TEF: variants seen among roughly 807,000 people sequenced by gnomAD.
TEF encodes the protein TEF transcription factor, PAR bZIP family member.
In TEF, 3 loss-of-function variants were observed where a neutral mutation model predicts 20.8. The ratio of observed to expected loss-of-function variants is 0.14; its 90% CI spans 0.07 to 0.37. The LOEUF (loss-of-function observed/expected upper bound fraction) is 0.37, where lower values mean the gene tolerates loss of function less well. Ranked by LOEUF, TEF falls within the 10% of genes least tolerant of loss-of-function variation. The probability of loss-of-function intolerance (pLI) is 1.00; values close to 1 mark genes in which losing one functional copy is unlikely to be tolerated. For synonymous variants in TEF, 180 were observed against 171.1 expected (o/e 1.05, Z -0.41); for missense variants, 296 against 397.9 (o/e 0.74, Z 2.18).
intron 1 of TEF, among the ~76,000 whole-genome samples, chr22:41,385,303 T>A (rs1403989175): frequency 6.6e-6 from 1 of 151,944 alleles, no homozygotes; most frequent in Non-Finnish European, 1.5e-5. Flanking sequence ...AAGGTTGTGG[T>A]GAGCTGAGAC....
At chr22:41,370,602 A>ATGG (rs2036872894) in intron 1 of TEF, among the ~76,000 whole-genome samples, 2 of 150,686 alleles carry the variant, frequency 1.3e-5, no homozygotes, top group African/African-American at 4.9e-5. Flanking sequence ...TAGTAGAGAC[A>ATGG]GGTTTCACCA....
Position 41,382,848 on chromosome 22 carries a change from GATGA to G in TEF, c.157+648_157+651del, listed in dbSNP as rs1485203937. ...GGAGTTTTGGGCCAAGCAGAGAAACGATGAGGGTCAGATGAGTCCACTGAGGCCC... is the reference window on the plus strand; with the variant it reads ...GGAGTTTTGGGCCAAGCAGAGAAACGGGGTCAGATGAGTCCACTGAGGCCC... On this transcript the variant is annotated intron_variant, in intron 1 of 3. Transcript: ENST00000266304. The G allele has an allele frequency of 1.9e-5, 9 of 468,906 alleles. No individual in the cohort carries two copies. In the Admixed American group the frequency reaches 2.1e-4, roughly 11 times the overall value. The allele number at this position is 468,906 out of a possible 1,614,324, so 29.0% of individuals were successfully genotyped here.
chr22:41,381,860 C>A, upstream of TEF: 2 of 1,218,512 alleles, frequency 1.6e-6, no homozygotes, highest in Non-Finnish European at 2.0e-6. Flanking sequence ...GCTGGCCTGG[C>A]CTCATGAATA....
At chr22:41,378,591 G>A (rs986695471), upstream of TEF, among the ~76,000 whole-genome samples, 3 of 151,986 alleles carry the variant, frequency 2.0e-5, no homozygotes, top group Non-Finnish European at 4.4e-5. Context: ...TGATCCTCCC[G>A]GCTCGGCCTC....
At position 41,367,529 on chromosome 22, in the gene TEF, T is replaced by TG. The variant is rs1279518493; in HGVS notation, c.-3dup. ...GCTGCGACTGGTTCTCAGTGGCCCC[T>TG]GCCATGGACATGCCTGAGGTCCTCA... On this transcript the variant is annotated 5_prime_UTR_variant, in exon 1 of 4. Transcript: ENST00000406644. 3 of 1,550,834 alleles carry TG rather than the reference T, an allele frequency of 1.9e-6. No individual in the cohort carries two copies. The African/African-American group carries it at 4.1e-5, about 21-fold the overall frequency.
Position 41,375,501 on chromosome 22 carries a change from A to G in TEF, c.67+7902A>G, listed in dbSNP as rs372754574. On this transcript the variant is annotated intron_variant, in intron 1 of 3. Transcript: ENST00000406644. ...CGTGGTGGCACACGCCTGTAATCCC[A>G]GCACTTTGGGAGGCCGAGGCGGGCG... 8.5e-5 allele frequency among the ~76,000 whole-genome samples: 13 copies of G among 152,316 alleles called. No homozygotes were observed. In the East Asian group the frequency reaches 1.5e-3, roughly 18 times the overall value.
At position 41,382,194 on chromosome 22, in the gene TEF, G is replaced by C; in HGVS notation, c.150G>C (p.Ala50=). 1 of 1,235,056 alleles carries C rather than the reference G, an allele frequency of 8.1e-7. No homozygotes were observed. The highest frequency in any genetic ancestry group is 1.0e-6 in the Non-Finnish European group (1 of 989,780). 76.5% of individuals were successfully genotyped at this position (1,235,056 alleles called of 1,614,324 possible). A position where few individuals can be genotyped will look rare whatever the true frequency, so the allele number is the denominator to read the frequency against. ...TGATGGAGAACCCCCCGCGCGAGGC[G>C]CGCCTCGGTGAGGGCGGGGGGGTGG... The part of the protein sequence containing the change: ...KKLMENPPRE[A]RLDKEKGKEK... Residue 50 remains alanine (A), a synonymous_variant, in exon 1 of 4, where the codon GCG becomes GCC. Transcript: ENST00000266304.
chr22:41,382,783 G>T (rs186912121), intron 1 of TEF, among the ~76,000 whole-genome samples: 11 of 151,246 alleles, frequency 7.3e-5, no homozygotes, highest in South Asian at 2.1e-4. Context: ...CTGAGCGGGT[G>T]GGGGGGGTGT....
At chr22:41,379,107 C>T (rs2036982263), upstream of TEF, among the ~76,000 whole-genome samples, 1 of 151,708 alleles carries the variant, frequency 6.6e-6, no homozygotes, top group African/African-American at 2.4e-5. Flanking sequence ...TTGGGAGACG[C>T]GGGTGGATCA....
chr22:41,373,889 G>A (rs534264166), intron 1 of TEF, among the ~76,000 whole-genome samples: 3 of 149,594 alleles, frequency 2.0e-5, no homozygotes, highest in Non-Finnish European at 3.0e-5. Flanking sequence ...TCAGTCTCCC[G>A]AGTAGCTGAG....
Position 41,381,969 on chromosome 22 carries a change from A to C in TEF, c.-76A>C, listed in dbSNP as rs1164392339. Reference sequence around the variant, plus strand: ...AGTAGCTGCCCGTGTCGGCAGCTGCAGCGGGTCGCACGGCTCCGGCCCATC... The same window carrying C: ...AGTAGCTGCCCGTGTCGGCAGCTGCCGCGGGTCGCACGGCTCCGGCCCATC... On this transcript the variant is annotated 5_prime_UTR_variant, in exon 1 of 4. Coordinates refer to ENST00000266304, the MANE Select transcript of TEF (RefSeq NM_003216.4). The C allele has an allele frequency of 8.2e-7, 1 of 1,226,122 alleles. No individual in the cohort carries two copies. The highest frequency in any genetic ancestry group is 1.0e-6 in the Non-Finnish European group (1 of 985,204). The allele number at this position is 1,226,122 out of a possible 1,614,324, so 76.0% of individuals were successfully genotyped here.
At chr22:41,381,129 C>G (rs928998637), upstream of TEF, among the ~76,000 whole-genome samples, 5 of 152,244 alleles carry the variant, frequency 3.3e-5, no homozygotes, top group Non-Finnish European at 7.3e-5. Flanking sequence ...ACACCCCGCT[C>G]TAGGGCGGCC....
At chr22:41,385,897 C>A (rs886122026) in intron 1 of TEF, among the ~76,000 whole-genome samples, 2 of 152,088 alleles carry the variant, frequency 1.3e-5, no homozygotes, top group African/African-American at 4.8e-5. Context: ...GTTGGCCAGG[C>A]TGGTCTCAAA....
At chr22:41,379,193 G>A (rs1178727327), upstream of TEF, among the ~76,000 whole-genome samples, 1 of 151,938 alleles carries the variant, frequency 6.6e-6, no homozygotes, top group East Asian at 1.9e-4. Flanking sequence ...AAAAAATTAG[G>A]CGGGCACGGT....
At chr22:41,386,382 A>G (rs1399050021) in intron 1 of TEF, among the ~76,000 whole-genome samples, 1 of 152,190 alleles carries the variant, frequency 6.6e-6, no homozygotes, top group Non-Finnish European at 1.5e-5. Context: ...CGGAGGTTGC[A>G]GTGAGCCTAG....
At chr22:41,391,662 C>T (rs1470099829) in intron 2 of TEF, among the ~76,000 whole-genome samples, 2 of 142,782 alleles carry the variant, frequency 1.4e-5, no homozygotes, top group African/African-American at 2.7e-5. Flanking sequence ...CTCACTCTGT[C>T]GCCAGGCTGG....
chr22:41,390,743 C>T (rs1180636551), intron 2 of TEF, among the ~76,000 whole-genome samples: 1 of 151,980 alleles, frequency 6.6e-6, no homozygotes, highest in Non-Finnish European at 1.5e-5. Flanking sequence ...AGGTGATCCA[C>T]CTGCCTCGGA....
chr22:41,389,326 A>G (rs1301311570), intron 2 of TEF, among the ~76,000 whole-genome samples: 1 of 152,062 alleles, frequency 6.6e-6, no homozygotes, highest in Non-Finnish European at 1.5e-5. Context: ...GCGTGAACCC[A>G]GGAGGCAGAG....
chr22:41,393,173 T>A (rs2037187106), intron 2 of TEF, among the ~76,000 whole-genome samples: 1 of 151,428 alleles, frequency 6.6e-6, no homozygotes, highest in South Asian at 2.1e-4. Context: ...AAACCCTGTC[T>A]CTAAAAAATA....
Sources: gnomAD v4.1 joint callset for allele counts (sites outside exome capture counted in the v4.1 genomes callset) on GRCh38, gnomAD v4.1.1 for gene constraint, MANE v1.5 for transcripts, NCBI Gene and HGNC (gene_info 2026-07-23, HGNC 2026-07-21) for gene names.